RGS7: variants seen among roughly 807,000 people sequenced by gnomAD.
RGS7 encodes regulator of G protein signaling 7, also known as regulator of G-protein signaling 7.
In RGS7, 27 loss-of-function variants were observed where a neutral mutation model predicts 81.1. The ratio of observed to expected loss-of-function variants is 0.33; its 90% confidence interval spans 0.25 to 0.46. The LOEUF (loss-of-function observed/expected upper bound fraction) is 0.46, where lower values mean the gene tolerates loss of function less well. Ranked by LOEUF, RGS7 falls within the 20% of genes least tolerant of loss-of-function variation. The probability of loss-of-function intolerance (pLI) is 1.00; values close to 1 mark genes in which losing one functional copy is unlikely to be tolerated. For synonymous variants in RGS7, 208 were observed against 207.7 expected, an observed-to-expected ratio of 1.00 and a Z score of -0.01; for missense variants, 396 against 607.4, an observed-to-expected ratio of 0.65 and a Z score of 3.66.
At chr1:241,037,085 TAA>T (rs2060366458) in intron 3 of RGS7, among the ~76,000 whole-genome samples, 1 of 152,228 alleles carries the variant, frequency 6.6e-6, no homozygotes. Flanking sequence ...ATTTATCTGT[TAA>T]AGTAGCTAAG....
chr1:240,821,612 G>A lies in RGS7; in HGVS notation c.685-5197C>T, dbSNP rs1168585040. Among the ~76,000 whole-genome samples the A allele has an allele frequency of 2.0e-5, 3 of 152,158 alleles. No homozygotes were observed. The South Asian group carries it at 6.2e-4, about 32-fold the overall frequency. On this transcript the variant is annotated intron_variant, in intron 10 of 18. Coordinates refer to ENST00000440928, the MANE Select transcript of RGS7 (RefSeq NM_001364886.1). ...ATTAAAATTTAAATGTACACATGCT[G>A]TATATGGAGTTGAAGACATGTCCAT...
intron 6 of RGS7, among the ~76,000 whole-genome samples, chr1:240,886,155 A>G (rs745812007): frequency 1.3e-5 from 2 of 152,208 alleles, no homozygotes; most frequent in Non-Finnish European, 2.9e-5. Flanking sequence ...GTAAATGTTC[A>G]TGTAATACTT....
chr1:241,154,418 G>T (rs2068968051), intron 2 of RGS7, among the ~76,000 whole-genome samples: 1 of 152,166 alleles, frequency 6.6e-6, no homozygotes, highest in Non-Finnish European at 1.5e-5. Flanking sequence ...GATCAGGAGG[G>T]GTGAGTCCAG....
At chr1:240,831,002 C>T (rs1693737825) in intron 9 of RGS7, among the ~76,000 whole-genome samples, 1 of 152,152 alleles carries the variant, frequency 6.6e-6, no homozygotes, top group Admixed American at 6.5e-5. Flanking sequence ...ATTATTAACA[C>T]CACTAATCAG....
chr1:240,977,979 C>T (rs528166562), intron 4 of RGS7, among the ~76,000 whole-genome samples: 1 of 152,334 alleles, frequency 6.6e-6, no homozygotes, highest in East Asian at 1.9e-4. Flanking sequence ...CCATCACACT[C>T]AGTGACAACA....
chr1:240,885,642 A>G (rs1359656953), intron 6 of RGS7, among the ~76,000 whole-genome samples: 1 of 152,198 alleles, frequency 6.6e-6, no homozygotes, highest in Non-Finnish European at 1.5e-5. Context: ...AAACTCATGC[A>G]GGAACAGAAA....
intron 3 of RGS7, among the ~76,000 whole-genome samples, chr1:241,012,346 AACCTACTTGCCTT>A (rs1475534929): frequency 6.6e-6 from 1 of 152,180 alleles, no homozygotes; most frequent in African/African-American, 2.4e-5. Flanking sequence ...GAGGGCACAC[AACCTACTTGCCTT>A]ACACCAGAGT....
intron 2 of RGS7, among the ~76,000 whole-genome samples, chr1:241,187,199 G>A (rs1360389862): frequency 6.6e-6 from 1 of 152,018 alleles, no homozygotes; most frequent in Non-Finnish European, 1.5e-5. Context: ...AGAGAAAAAG[G>A]GAGAGTGTAG....
chr1:240,829,311 G>T (rs368553608), intron 9 of RGS7, among the ~76,000 whole-genome samples: 1 of 152,046 alleles, frequency 6.6e-6, no homozygotes, highest in South Asian at 2.1e-4. Flanking sequence ...CACCCAGCTG[G>T]GTGGGACTAA....
chr1:241,279,708 T>C (rs1366611372), intron 2 of RGS7, among the ~76,000 whole-genome samples: 1 of 152,220 alleles, frequency 6.6e-6, no homozygotes, highest in Non-Finnish European at 1.5e-5. Context: ...CTTACTCACC[T>C]TCCTCTACTT....
chr1:241,305,751 C>A, intron 2 of RGS7: 1 of 224,526 alleles, frequency 4.5e-6, no homozygotes, highest in South Asian at 5.2e-5. Flanking sequence ...GGGACAAAGC[C>A]ACACACCTCT....
At chr1:241,115,906 G>A (rs780041953) in intron 2 of RGS7, among the ~76,000 whole-genome samples, 4 of 152,132 alleles carry the variant, frequency 2.6e-5, no homozygotes, top group Non-Finnish European at 5.9e-5. Flanking sequence ...TGGATCATGG[G>A]AAGGGATTTC....
intron 6 of RGS7, among the ~76,000 whole-genome samples, chr1:240,889,078 T>C (rs527798155): frequency 6.6e-6 from 1 of 152,174 alleles, no homozygotes; most frequent in Admixed American, 6.5e-5. Context: ...TGCCTCAGCG[T>C]CCCAAGCAGC....
intron 6 of RGS7, among the ~76,000 whole-genome samples, chr1:240,870,736 C>A (rs1399954731): frequency 6.6e-6 from 1 of 152,156 alleles, no homozygotes; most frequent in Non-Finnish European, 1.5e-5. Flanking sequence ...ACCAAATGAA[C>A]TTAAAAATCT....
intron 2 of RGS7, among the ~76,000 whole-genome samples, chr1:241,327,825 A>G (rs370196792): frequency 6.6e-6 from 1 of 152,216 alleles, no homozygotes; most frequent in East Asian, 1.9e-4. Flanking sequence ...ATAATTACAG[A>G]TCTAAATTAT....
At chr1:240,946,475 T>A (rs1371325713) in intron 4 of RGS7, among the ~76,000 whole-genome samples, 1 of 151,950 alleles carries the variant, frequency 6.6e-6, no homozygotes, top group East Asian at 1.9e-4. Flanking sequence ...GGCATGGTGG[T>A]GCACACCTGT....
At chr1:240,950,062 A>T (rs1486586495) in intron 4 of RGS7, among the ~76,000 whole-genome samples, 1 of 152,118 alleles carries the variant, frequency 6.6e-6, no homozygotes, top group Non-Finnish European at 1.5e-5. Context: ...CATGACCAAG[A>T]TCTACTTACT....
chr1:240,908,400 T>C (rs1004698304), intron 6 of RGS7, among the ~76,000 whole-genome samples: 12 of 152,124 alleles, frequency 7.9e-5, no homozygotes, highest in African/African-American at 2.9e-4. Flanking sequence ...CAAATGCACT[T>C]CCTGAAGTTA....
At chr1:241,077,772 G>C (rs1434589093) in intron 3 of RGS7, among the ~76,000 whole-genome samples, 3 of 152,174 alleles carry the variant, frequency 2.0e-5, no homozygotes, top group Non-Finnish European at 4.4e-5. Context: ...AAAAGACGTT[G>C]CTTGTAAAAT....
Sources: gnomAD v4.1 joint callset for allele counts (sites outside exome capture counted in the v4.1 genomes callset) on GRCh38, gnomAD v4.1.1 for gene constraint, MANE v1.5 for transcripts, NCBI Gene and HGNC (gene_info 2026-07-23, HGNC 2026-07-21) for gene names.